The following EZH2 variants were observed in gnomAD, a reference collection of about 807,000 sequenced individuals.
EZH2 encodes the protein histone-lysine N-methyltransferase EZH2.
EZH2 carries 18 observed loss-of-function variants against 98.4 expected under a neutral mutation model. The observed-to-expected ratio is 0.18, with a 90% CI of 0.13 to 0.27. The LOEUF is 0.27. Among genes scored for constraint, EZH2 ranks in the 10% least tolerant of loss-of-function variants. EZH2 has a pLI of 1.00. For synonymous variants in EZH2, 338 were observed against 312.3 expected (o/e 1.08, Z -0.87); for missense variants, 470 against 935.1 (o/e 0.50, Z 6.49).
intron 1 of EZH2, among the ~76,000 whole-genome samples, chr7:148,866,633 T>TATACAC (rs1404701379): frequency 1.4e-5 from 2 of 146,798 alleles, no homozygotes; most frequent in African/African-American, 5.0e-5. Context: ...TATATGTATA[T>TATACAC]ATACATATAC....
At chr7:148,859,386 G>C (rs1463379757) in intron 1 of EZH2, among the ~76,000 whole-genome samples, 1 of 151,992 alleles carries the variant, frequency 6.6e-6, no homozygotes, top group Non-Finnish European at 1.5e-5. Flanking sequence ...CACACCTGTA[G>C]TCCCGGCTAC....
chr7:148,824,172 G>A (rs1806992206), intron 8 of EZH2, among the ~76,000 whole-genome samples: 1 of 152,024 alleles, frequency 6.6e-6, no homozygotes, highest in Non-Finnish European at 1.5e-5. Context: ...AAAATTAGCT[G>A]GACGTGGTGG....
At chr7:148,855,539 A>C (rs115845950) in intron 1 of EZH2, among the ~76,000 whole-genome samples, 1,939 of 152,282 alleles carry the variant, frequency 0.013, 37 homozygotes, top group African/African-American at 0.044. Flanking sequence ...CATTGTGAGA[A>C]GTAAATTTAT....
chr7:148,878,816 T>C (rs1820529667), intron 1 of EZH2, among the ~76,000 whole-genome samples: 1 of 152,054 alleles, frequency 6.6e-6, no homozygotes, highest in South Asian at 2.1e-4. Flanking sequence ...GAAGGATCGC[T>C]TGAGCCCAGG....
intron 6 of EZH2, among the ~76,000 whole-genome samples, chr7:148,827,859 T>C (rs1394831629): frequency 6.6e-6 from 1 of 152,232 alleles, no homozygotes; most frequent in Non-Finnish European, 1.5e-5. Context: ...GGCTCACGCC[T>C]GTAATCCTAG....
intron 1 of EZH2, among the ~76,000 whole-genome samples, chr7:148,872,791 A>G (rs536077247): frequency 6.6e-6 from 1 of 152,198 alleles, no homozygotes; most frequent in Non-Finnish European, 1.5e-5. Flanking sequence ...TCAAAAACTA[A>G]GAGACTAAAA....
chr7:148,870,256 A>G (rs2129491205), intron 1 of EZH2, among the ~76,000 whole-genome samples: 1 of 152,348 alleles, frequency 6.6e-6, no homozygotes, highest in South Asian at 2.1e-4. Context: ...TGATCCATAA[A>G]TAATTTTCGA....
At chr7:148,881,702 G>A (rs1303085459) in intron 1 of EZH2, among the ~76,000 whole-genome samples, 2 of 152,102 alleles carry the variant, frequency 1.3e-5, no homozygotes, top group Non-Finnish European at 2.9e-5. Flanking sequence ...GGGAGGCGGA[G>A]GCGGGTACAT....
intron 1 of EZH2, among the ~76,000 whole-genome samples, chr7:148,880,222 A>C (rs548183771): frequency 6.6e-6 from 1 of 152,358 alleles, no homozygotes; most frequent in South Asian, 2.1e-4. Flanking sequence ...ACCAGCTGTA[A>C]CTTTTGAGGT....
At chr7:148,854,939 T>A (rs1816564297) in intron 1 of EZH2, among the ~76,000 whole-genome samples, 1 of 152,220 alleles carries the variant, frequency 6.6e-6, no homozygotes, top group African/African-American at 2.4e-5. Context: ...CATATAGATG[T>A]TAAATTATTG....
intron 9 of EZH2, among the ~76,000 whole-genome samples, chr7:148,818,729 G>A (rs1805237748): frequency 6.6e-6 from 1 of 152,120 alleles, no homozygotes; most frequent in African/African-American, 2.4e-5. Flanking sequence ...AAGACTGTGA[G>A]GGTTACATCT....
chr7:148,815,461 C>G (rs1238520375), intron 13 of EZH2, 45 bp downstream of exon 13: 1 of 1,562,538 alleles, frequency 6.4e-7, no homozygotes, highest in Non-Finnish European at 8.8e-7. Flanking sequence ...GAAAACAAAG[C>G]AGATATTGTT....
chr7:148,809,021 T>C, intron 19 of EZH2, 50 bp downstream of exon 19: 1 of 1,465,982 alleles, frequency 6.8e-7, no homozygotes, highest in Non-Finnish European at 9.6e-7. Context: ...GAGTTCACAA[T>C]CCAGTAGAAA....
At chr7:148,872,404 A>C (rs906609193) in intron 1 of EZH2, among the ~76,000 whole-genome samples, 1 of 152,158 alleles carries the variant, frequency 6.6e-6, no homozygotes, top group African/African-American at 2.4e-5. Flanking sequence ...AGTTCTAGAG[A>C]TCTGTTGTGC....
chr7:148,862,122 A>G (rs892811347), intron 1 of EZH2, among the ~76,000 whole-genome samples: 1 of 152,226 alleles, frequency 6.6e-6, no homozygotes, highest in Non-Finnish European at 1.5e-5. Flanking sequence ...TAACCACCAT[A>G]CTTCAGTTAG....
At chr7:148,871,901 G>A (rs527680878) in intron 1 of EZH2, among the ~76,000 whole-genome samples, 2 of 152,098 alleles carry the variant, frequency 1.3e-5, no homozygotes, top group Admixed American at 1.3e-4. Flanking sequence ...TCTATGGCTG[G>A]TTGAAAAAAA....
At chr7:148,815,586 G>A (rs2129470410) in intron 12 of EZH2, 40 bp from the exon 13 acceptor site, 1 of 1,595,948 alleles carries the variant, frequency 6.3e-7, no homozygotes, top group Non-Finnish European at 8.6e-7. Flanking sequence ...ATTTCTGCGG[G>A]AAGCTACAAA....
chr7:148,813,369 C>G (rs190860360), intron 15 of EZH2, among the ~76,000 whole-genome samples: 1 of 151,714 alleles, frequency 6.6e-6, no homozygotes, highest in East Asian at 1.9e-4. Context: ...CAAATACATG[C>G]TGCTGAAGTG....
intron 1 of EZH2, among the ~76,000 whole-genome samples, chr7:148,872,470 G>A (rs1284295516): frequency 6.6e-6 from 1 of 152,128 alleles, no homozygotes; most frequent in Non-Finnish European, 1.5e-5. Flanking sequence ...TGGTAAACAT[G>A]ATTAATTTAC....
Sources: allele counts gnomAD v4.1 joint callset (sites outside exome capture counted in the v4.1 genomes callset), GRCh38; gene constraint gnomAD v4.1.1; transcripts MANE v1.5; gene names NCBI Gene and HGNC (gene_info 2026-07-23, HGNC 2026-07-21).